Variants in VPS13D observed in about 807,000 individuals in gnomAD.
VPS13D encodes vacuolar protein sorting 13 homolog D, also known as intermembrane lipid transfer protein VPS13D.
Under a neutral mutation model 461.9 loss-of-function variants are expected in VPS13D, and 187 were observed. The ratio of observed to expected loss-of-function variants is 0.40; its 90% confidence interval spans 0.36 to 0.46. The LOEUF is 0.46. VPS13D is among the 20% of genes least tolerant of loss of function. The pLI is 0.60. For synonymous variants in VPS13D, 1,951 were observed against 1,986.3 expected (o/e 0.98, Z 0.47); for missense variants, 4,711 against 5,364.9 (o/e 0.88, Z 3.81).
chr1:12,338,117 A>G lies in VPS13D; in HGVS notation c.8552-114A>G, dbSNP rs1328887508. 2.9e-5 allele frequency: 27 copies of G among 920,944 alleles called. No individual in the cohort carries two copies. In the East Asian group the frequency reaches 6.0e-4, roughly 21 times the overall value. The allele number at this position is 920,944 out of a possible 1,614,324, so 57.0% of individuals were successfully genotyped here. On this transcript the variant is annotated intron_variant, in intron 39 of 69. Transcript: ENST00000620676. ...CTGATGGGAATGACTCTGTACTTGCATGATGCTTGCTATTTTTGTAATGTT... is the reference window on the plus strand; with the variant it reads ...CTGATGGGAATGACTCTGTACTTGCGTGATGCTTGCTATTTTTGTAATGTT...
intron 66 of VPS13D, among the ~76,000 whole-genome samples, chr1:12,459,079 C>A (rs1486240871): frequency 1.3e-5 from 2 of 152,178 alleles, no homozygotes; most frequent in African/African-American, 4.8e-5. Context: ...GCCAGTCACC[C>A]CCATAGTGTT....
At chr1:12,470,497 C>T (rs1219241598) in intron 67 of VPS13D, among the ~76,000 whole-genome samples, 1 of 152,154 alleles carries the variant, frequency 6.6e-6, no homozygotes, top group Non-Finnish European at 1.5e-5. Flanking sequence ...CCAGTTAATT[C>T]AGTTGAGCCA....
rs374465325 is a variant in VPS13D at position 12,291,072 on chromosome 1, A to G, written c.5800A>G (p.Arg1934Gly). The G allele has an allele frequency of 6.3e-5, 101 of 1,614,106 alleles. No individual in the cohort carries two copies. In the African/African-American group the frequency reaches 1.1e-3, roughly 17 times the overall value. ...CCTCACATGCCATGGAGAGTTCTAC[A>G]GAGAACGGTTCACTACCAGTGGTGA... ...SDLTCHGEFY[R>G]ERFTTSGEEA... The change falls in exon 23 of 70, where the codon AGA becomes GGA. Residue 1934 changes from arginine (R) to glycine (G), a missense_variant. Coordinates refer to ENST00000620676, the MANE Select transcript of VPS13D (RefSeq NM_015378.4).
At chr1:12,283,786 C>T in intron 21 of VPS13D, 50 bp downstream of exon 21, 1 of 1,517,964 alleles carries the variant, frequency 6.6e-7, no homozygotes, top group South Asian at 1.3e-5. Context: ...TGGATTTGGG[C>T]TTGTTGATTT....
chr1:12,309,789 A>G (rs1270329586), intron 27 of VPS13D, among the ~76,000 whole-genome samples: 1 of 151,778 alleles, frequency 6.6e-6, no homozygotes, highest in Admixed American at 6.6e-5. Context: ...GAAAGAAAGA[A>G]AAACAGGTTT....
chr1:12,311,672 A>G (rs1220972955), intron 28 of VPS13D, 47 bp downstream of exon 28: 1 of 1,606,740 alleles, frequency 6.2e-7, no homozygotes, highest in African/African-American at 1.3e-5. Context: ...GTCTCAGCTG[A>G]CGGTCACCCT....
chr1:12,354,535 T>G (rs1643869701), intron 47 of VPS13D, among the ~76,000 whole-genome samples: 1 of 150,544 alleles, frequency 6.6e-6, no homozygotes, highest in Non-Finnish European at 1.5e-5. Flanking sequence ...CCCTGTCTCT[T>G]AAAAAAAAAG....
intron 50 of VPS13D, among the ~76,000 whole-genome samples, chr1:12,361,134 A>G (rs1001370293): frequency 6.6e-6 from 1 of 152,162 alleles, no homozygotes; most frequent in African/African-American, 2.4e-5. Flanking sequence ...AAAATATCTA[A>G]CTTAGAAGGT....
intron 68 of VPS13D, among the ~76,000 whole-genome samples, chr1:12,506,265 G>C (rs989749427): frequency 6.6e-6 from 1 of 152,228 alleles, no homozygotes; most frequent in Non-Finnish European, 1.5e-5. Context: ...TGGCCCTAAA[G>C]CTCCTGAAGT....
intron 2 of VPS13D, among the ~76,000 whole-genome samples, chr1:12,236,095 A>G (rs1640138618): frequency 6.6e-6 from 1 of 152,136 alleles, no homozygotes; most frequent in Admixed American, 6.6e-5. Flanking sequence ...TTCTGCCCTT[A>G]TTTCCTTTCT....
intron 67 of VPS13D, among the ~76,000 whole-genome samples, chr1:12,496,528 T>G (rs1319279309): frequency 6.6e-6 from 1 of 152,204 alleles, no homozygotes; most frequent in Non-Finnish European, 1.5e-5. Context: ...GTGTAAGGCT[T>G]CTCCTCTCTT....
intron 18 of VPS13D, 66 bp from the exon 19 acceptor site, chr1:12,275,759 T>C: frequency 4.1e-6 from 6 of 1,473,172 alleles, no homozygotes; most frequent in African/African-American, 1.4e-5. Flanking sequence ...TTCATAATTA[T>C]TACATTAAGG....
chr1:12,407,471 A>G (rs1362880733), intron 63 of VPS13D: 1 of 152,202 alleles, frequency 6.6e-6, no homozygotes, highest in African/African-American at 2.4e-5. Flanking sequence ...TCCAAAATCC[A>G]TTTTATAACA....
At position 12,333,159 on chromosome 1, in the gene VPS13D, G is replaced by A. The variant is rs139010000; in HGVS notation, c.8288-67G>A. On this transcript the variant is annotated intron_variant, in intron 37 of 69. Transcript: ENST00000620676. The stretch of plus-strand genomic sequence containing the variant: ...GAGTTTGTCCTTGCTGAACATTTGC[G>A]AGCAGTGTTCCCCTATAAACTCTTG... 3,826 of 1,531,398 alleles carry A rather than the reference G, an allele frequency of 2.5e-3. 15 individuals are homozygous for A. Among genetic ancestry groups the A allele is most frequent in the Non-Finnish European group, 2.9e-3 (3,294 of 1,134,140 alleles). The allele number at this position is 1,531,398 out of a possible 1,614,324, so 94.9% of individuals were successfully genotyped here.
chr1:12,507,286 G>C lies in VPS13D; in HGVS notation c.13035+193G>C, dbSNP rs1357880357. 1.0e-6 allele frequency: 1 copy of C among 1,001,082 alleles called. No individual in the cohort carries two copies. The highest frequency in any genetic ancestry group is 1.7e-5 in the Admixed American group (1 of 59,038). The allele number at this position is 1,001,082 out of a possible 1,614,324, so 62.0% of individuals were successfully genotyped here. ...ACGGGGCGATGCTGCCCTCCCAGCTGGCCCATGGGTGACCCTGGGAACATT... is the reference window on the plus strand; with the variant it reads ...ACGGGGCGATGCTGCCCTCCCAGCTCGCCCATGGGTGACCCTGGGAACATT... On this transcript the variant is annotated intron_variant, in intron 69 of 69. Coordinates refer to ENST00000620676, the MANE Select transcript of VPS13D (RefSeq NM_015378.4). The surrounding 1 kb of genome is among the most constrained non-coding windows in gnomAD (Gnocchi z 5.3).
intron 22 of VPS13D, among the ~76,000 whole-genome samples, chr1:12,289,683 G>C (rs1642069910): frequency 6.6e-6 from 1 of 151,882 alleles, no homozygotes; most frequent in Admixed American, 6.6e-5. Context: ...GCTGGGCACG[G>C]TGGCTCACGC....
rs1643815729 is a variant in VPS13D at position 12,352,406 on chromosome 1, A to G, written c.9432-1568A>G. Among the ~76,000 whole-genome samples, 3 of 152,220 alleles carry G rather than the reference A, an allele frequency of 2.0e-5. 1 individual carries two copies. In the South Asian group the frequency reaches 6.2e-4, roughly 32 times the overall value. ...CCTACAGATCAACAATAAAAAGATA[A>G]TAAAAAGAATAGACAAAAGAACGGA... On this transcript the variant is annotated intron_variant, in intron 46 of 69. Transcript: ENST00000620676.
At chr1:12,356,112 G>A in intron 48 of VPS13D, 22 bp downstream of exon 48, 1 of 1,581,194 alleles carries the variant, frequency 6.3e-7, no homozygotes, top group Non-Finnish European at 8.6e-7. Flanking sequence ...GGCTGCTCAA[G>A]TAGGTCTTTG....
chr1:12,466,659 A>G (rs191817597), intron 67 of VPS13D, among the ~76,000 whole-genome samples: 69 of 151,896 alleles, frequency 4.5e-4, no homozygotes, highest in African/African-American at 1.7e-3. Flanking sequence ...AGTAGCATCC[A>G]TATAGAGGCA....
Sources: allele counts gnomAD v4.1 joint callset (sites outside exome capture counted in the v4.1 genomes callset), GRCh38; gene constraint gnomAD v4.1.1; non-coding constraint Gnocchi (gnomAD v3.1); transcripts MANE v1.5; gene names NCBI Gene and HGNC (gene_info 2026-07-23, HGNC 2026-07-21).